The following KLRG1 variants were observed in gnomAD, a reference collection of about 807,000 sequenced individuals.
KLRG1 encodes killer cell lectin-like receptor subfamily G member 1.
In KLRG1, 16 loss-of-function variants were observed where a neutral mutation model predicts 21.8. The ratio of observed to expected loss-of-function variants is 0.73; its 90% CI spans 0.50 to 1.11. KLRG1 has a LOEUF of 1.11. Among genes scored for constraint, KLRG1 ranks in the 50% most tolerant of loss-of-function variants. The pLI, the probability that KLRG1 is intolerant of heterozygous loss-of-function variation, is 0.00. For synonymous variants in KLRG1, 69 were observed against 75.9 expected (o/e 0.91, Z 0.47); for missense variants, 173 against 218.3 (o/e 0.79, Z 1.31).
the KLRG1 span, among the ~76,000 whole-genome samples, chr12:9,100,726 T>C: frequency 6.6e-6 from 1 of 152,220 alleles, no homozygotes. Context: ...TCTCGTTACT[T>C]GAAAGTATTC....
At chr12:9,141,134 G>C in the KLRG1 span, among the ~76,000 whole-genome samples, 1 of 152,098 alleles carries the variant, frequency 6.6e-6, no homozygotes, top group Non-Finnish European at 1.5e-5. Context: ...TTTGTGGCAT[G>C]CAATATTTTA....
At chr12:9,079,375 A>C in the KLRG1 span, 5 of 1,530,364 alleles carry the variant, frequency 3.3e-6, no homozygotes, top group Non-Finnish European at 4.5e-6. Flanking sequence ...ATTAATGTGC[A>C]TGCTGAGGGT....
chr12:9,157,497 A>G, the KLRG1 span: 1 of 849,972 alleles, frequency 1.2e-6, no homozygotes, highest in Non-Finnish European at 1.8e-6. Context: ...ATTTAAATAG[A>G]AAAATATTTC....
chr12:9,111,992 T>C, the KLRG1 span: 1 of 789,392 alleles, frequency 1.3e-6, no homozygotes, highest in Non-Finnish European at 2.3e-6. Flanking sequence ...ACCTACTTTC[T>C]TTACCTGGAA....
At chr12:9,186,859 G>A in the KLRG1 span, among the ~76,000 whole-genome samples, 619 of 149,772 alleles carry the variant, frequency 4.1e-3, no homozygotes, top group Non-Finnish European at 7.3e-3. Flanking sequence ...CGGGGGTGGG[G>A]GGCTGGGGGA....
chr12:9,203,271 A>T, the KLRG1 span, among the ~76,000 whole-genome samples: 64 of 151,502 alleles, frequency 4.2e-4, no homozygotes, highest in African/African-American at 1.5e-3. Flanking sequence ...CTGGTAAAAA[A>T]TGCTTTGTTC....
At chr12:9,199,323 G>A in the KLRG1 span, among the ~76,000 whole-genome samples, 5 of 152,158 alleles carry the variant, frequency 3.3e-5, no homozygotes, top group African/African-American at 7.2e-5. Flanking sequence ...TTAGTCCATC[G>A]TATCAGCGCA....
the KLRG1 span, chr12:9,113,225 T>A: frequency 1.2e-6 from 1 of 853,198 alleles, no homozygotes; most frequent in East Asian, 2.6e-5. Context: ...CCTTAATTTC[T>A]ATACTTAGTT....
At chr12:9,198,932 C>T in the KLRG1 span, among the ~76,000 whole-genome samples, 1 of 152,122 alleles carries the variant, frequency 6.6e-6, no homozygotes, top group African/African-American at 2.4e-5. Context: ...CTGGCATATT[C>T]CTTTACCCTG....
At chr12:9,110,045 T>TTACAA in the KLRG1 span, 1 of 1,597,798 alleles carries the variant, frequency 6.3e-7, no homozygotes, top group Non-Finnish European at 8.5e-7. Flanking sequence ...CCTATATGAG[T>TTACAA]AAATTAATTA....
chr12:9,135,093 A>C, the KLRG1 span: 1 of 207,050 alleles, frequency 4.8e-6, no homozygotes. Flanking sequence ...CAGAGCCACC[A>C]CCAGGGTAGG....
chr12:9,068,676 T>A, the KLRG1 span: 1 of 1,308,448 alleles, frequency 7.6e-7, no homozygotes, highest in Non-Finnish European at 1.1e-6. Context: ...CCAACACATC[T>A]CCTAAACCTG....
At chr12:9,199,322 C>T in the KLRG1 span, among the ~76,000 whole-genome samples, 1 of 152,070 alleles carries the variant, frequency 6.6e-6, no homozygotes, top group African/African-American at 2.4e-5. Context: ...TTTAGTCCAT[C>T]GTATCAGCGC....
the KLRG1 span, among the ~76,000 whole-genome samples, chr12:9,161,969 CTTGT>C: frequency 3.3e-5 from 5 of 151,686 alleles, no homozygotes; most frequent in East Asian, 1.9e-4. Context: ...TTGTTGTTTG[CTTGT>C]TTGTTTTTTT....
At chr12:9,070,469 G>A in the KLRG1 span, 1 of 1,559,424 alleles carries the variant, frequency 6.4e-7, no homozygotes, top group African/African-American at 1.4e-5. Flanking sequence ...AGGGCAGTCT[G>A]GGGTTATGAT....
the KLRG1 span, chr12:9,101,092 G>C: frequency 6.6e-7 from 1 of 1,507,648 alleles, no homozygotes; most frequent in Non-Finnish European, 9.0e-7. Context: ...CGTGGTGTAA[G>C]GCTGAATGGG....
the KLRG1 span, among the ~76,000 whole-genome samples, chr12:9,197,645 TATA>T: frequency 4.5e-4 from 45 of 100,370 alleles, 1 homozygote; most frequent in East Asian, 1.0e-3. Context: ...TATTATATTA[TATA>T]ATATAATATA....
At chr12:9,162,014 C>T in the KLRG1 span, among the ~76,000 whole-genome samples, 35 of 151,974 alleles carry the variant, frequency 2.3e-4, no homozygotes, top group Middle Eastern at 3.4e-3. Context: ...CAGGTTGGAG[C>T]GCAGTGGTGT....
the KLRG1 span, among the ~76,000 whole-genome samples, chr12:9,154,259 T>C: frequency 6.6e-6 from 1 of 152,198 alleles, no homozygotes; most frequent in African/African-American, 2.4e-5. Context: ...TACTATTGAA[T>C]ATTTTATAAG....
Sources: gnomAD v4.1 joint callset for allele counts (sites outside exome capture counted in the v4.1 genomes callset) on GRCh38, gnomAD v4.1.1 for gene constraint, MANE v1.5 for transcripts, NCBI Gene and HGNC (gene_info 2026-07-23, HGNC 2026-07-21) for gene names.